The following PLTP variants were observed in gnomAD, a reference collection of about 807,000 sequenced individuals.
The protein encoded by PLTP is phospholipid transfer protein.
Under a neutral mutation model 54.1 loss-of-function variants are expected in PLTP, and 43 were observed. The ratio of observed to expected loss-of-function variants is 0.79; its 90% CI spans 0.62 to 1.02. The LOEUF is 1.02. Among genes scored for constraint, PLTP ranks in the 50% least tolerant of loss-of-function variants. PLTP has a pLI of 0.00. For synonymous variants in PLTP, 263 were observed against 264.6 expected (o/e 0.99, Z 0.06); for missense variants, 604 against 645.9 (o/e 0.94, Z 0.70).
intron 3 of PLTP, 109 bp from the exon 4 acceptor site, chr20:45,910,179 G>A (rs2083277343): frequency 2.4e-6 from 3 of 1,235,782 alleles, no homozygotes; most frequent in East Asian, 2.5e-5. Context: ...AAGCGGGAGT[G>A]GGTGGAATGA....
At chr20:45,905,256 G>T in intron 8 of PLTP, 138 bp from the exon 9 acceptor site, 1 of 735,218 alleles carries the variant, frequency 1.4e-6, no homozygotes, top group Non-Finnish European at 2.3e-6. Context: ...GGATTCACAA[G>T]CACATCTCTT....
intron 1 of PLTP, 78 bp from the exon 2 acceptor site, chr20:45,911,541 C>T (rs780227386): frequency 1.8e-4 from 282 of 1,575,668 alleles, no homozygotes; most frequent in Non-Finnish European, 2.3e-4. Flanking sequence ...TAAGTGGGAA[C>T]TAGCCTGGAT....
rs41282778 is a variant in PLTP at position 45,898,971 on chromosome 20, A to G, written c.1452T>C (p.Thr484=). 5.0e-6 allele frequency: 8 copies of G among 1,613,978 alleles called. No individual in the cohort carries two copies. Among genetic ancestry groups the G allele is most frequent in the Admixed American group, 3.3e-5 (2 of 59,998 alleles). ...CAGCTGCTGTGGACGGTGTGGGGGCAGTGGACGCCCTGACATCAGCAGGCC... is the reference window on the plus strand; with the variant it reads ...CAGCTGCTGTGGACGGTGTGGGGGCGGTGGACGCCCTGACATCAGCAGGCC... ...KNRPADVRAS[T]APTPSTAAV is the part of the protein sequence containing the mutation. Residue 484 remains threonine (T), a synonymous_variant, in exon 16 of 16, where the codon ACT becomes ACC. Coordinates refer to ENST00000372431, the MANE Select transcript of PLTP (RefSeq NM_006227.4). This position sits in a 1 kb window ranked among gnomAD's most constrained non-coding sequence, Gnocchi z 4.6.
chr20:45,902,352 G>GTCCT lies in PLTP; in HGVS notation c.1108-19_1108-18insAGGA. Reference sequence around the variant, plus strand: ...CGGGCGTCCTGCAGGAACATGGGGAGGAGGATGTTACTGACCCAGAAGGTC... The same window carrying GTCCT: ...CGGGCGTCCTGCAGGAACATGGGGAGTCCTGAGGATGTTACTGACCCAGAAGGTC... On this transcript the variant is annotated intron_variant, in intron 11 of 15. Transcript: ENST00000372431. 1 of 1,614,190 alleles carries GTCCT rather than the reference G, an allele frequency of 6.2e-7. No individual in the cohort carries two copies. The highest frequency in any genetic ancestry group is 8.5e-7 in the Non-Finnish European group (1 of 1,180,022).
intron 12 of PLTP, among the ~76,000 whole-genome samples, chr20:45,900,934 A>G (rs932916919): frequency 6.6e-6 from 1 of 152,192 alleles, no homozygotes; most frequent in Non-Finnish European, 1.5e-5. Context: ...GATTTGCACT[A>G]ATTTATAGAT....
intron 5 of PLTP, among the ~76,000 whole-genome samples, chr20:45,908,111 C>G (rs2083258267): frequency 6.6e-6 from 1 of 152,118 alleles, no homozygotes; most frequent in Non-Finnish European, 1.5e-5. Flanking sequence ...ACTCTCTGGT[C>G]CCATCAGTCA....
chr20:45,899,759 G>C, intron 13 of PLTP, 74 bp from the exon 14 acceptor site: 1 of 1,603,004 alleles, frequency 6.2e-7, no homozygotes, highest in Non-Finnish European at 8.5e-7. Flanking sequence ...CAGGTGAGCA[G>C]TTATATGAGG....
intron 12 of PLTP, among the ~76,000 whole-genome samples, chr20:45,901,027 A>G (rs1476954119): frequency 1.3e-5 from 2 of 152,122 alleles, no homozygotes; most frequent in African/African-American, 4.8e-5. Flanking sequence ...TCTAGAACCT[A>G]GGGTCCTAAC....
intron 12 of PLTP, among the ~76,000 whole-genome samples, chr20:45,900,766 C>A (rs531350355): frequency 6.6e-6 from 1 of 152,008 alleles, no homozygotes; most frequent in Non-Finnish European, 1.5e-5. Context: ...TGGCCTCAAG[C>A]GATCTACCCG....
chr20:45,911,631 CAGAG>C, intron 1 of PLTP, 168 bp from the exon 2 acceptor site: 3 of 895,970 alleles, frequency 3.3e-6, no homozygotes, highest in African/African-American at 1.7e-5. Context: ...AACTGAGGCT[CAGAG>C]AGGCGATGCG....
Position 45,902,723 on chromosome 20 carries a change from T to C in PLTP, c.943-119A>G, listed in dbSNP as rs530873212. ...CCTCTGGGGACTCTCATATTGCAAA[T>C]ACAGAGGGAGCTCTGGCTTCCAAAA... On this transcript the variant is annotated intron_variant, in intron 10 of 15. Coordinates refer to ENST00000372431, the MANE Select transcript of PLTP (RefSeq NM_006227.4). 9 of 1,040,674 alleles carry C rather than the reference T, an allele frequency of 8.6e-6. No homozygotes were observed. In the African/African-American group the frequency reaches 1.3e-4, roughly 15 times the overall value. The allele number at this position is 1,040,674 out of a possible 1,614,324, so 64.5% of individuals were successfully genotyped here. A position where few individuals can be genotyped will look rare whatever the true frequency, so the allele number is the denominator to read the frequency against.
rs768152829 is a variant in PLTP, at chr20:45,899,459, C to T, written c.1359+3G>A. On this transcript the variant is annotated splice_donor_region_variant and intron_variant, in intron 15 of 15. Coordinates refer to ENST00000372431, the MANE Select transcript of PLTP (RefSeq NM_006227.4). Reference sequence around the variant, plus strand: ...CCTCCTTCCCCATCCTGCCCCCACTCACCGCATGGTTCGTCACCACCTCAT... The same window carrying T: ...CCTCCTTCCCCATCCTGCCCCCACTTACCGCATGGTTCGTCACCACCTCAT... 22 of 1,613,914 alleles carry T rather than the reference C, an allele frequency of 1.4e-5. No individual in the cohort carries two copies. Among genetic ancestry groups the T allele is most frequent in the Non-Finnish European group, 1.9e-5 (22 of 1,179,954 alleles).
chr20:45,900,834 G>T (rs1190248010), intron 12 of PLTP, among the ~76,000 whole-genome samples: 3 of 152,122 alleles, frequency 2.0e-5, no homozygotes, highest in Admixed American at 2.0e-4. Context: ...CAGCCAACGT[G>T]TTTAAAAAGT....
chr20:45,899,553 AC>A lies in PLTP; in HGVS notation c.1283-16del. 1 of 1,613,872 alleles carries A rather than the reference AC, an allele frequency of 6.2e-7. No individual in the cohort carries two copies. Among genetic ancestry groups the A allele is most frequent in the Non-Finnish European group, 8.5e-7 (1 of 1,179,968 alleles). Reference sequence around the variant, plus strand: ...CCAGGTCCGCTCTGTGGGTGGGAGCACCCCGCTCAGTCTGGGCCCGCCCAGT... The same window carrying A: ...CCAGGTCCGCTCTGTGGGTGGGAGCACCCGCTCAGTCTGGGCCCGCCCAGT... On this transcript the variant is annotated splice_polypyrimidine_tract_variant and intron_variant, in intron 14 of 15. Coordinates refer to ENST00000372431, the MANE Select transcript of PLTP (RefSeq NM_006227.4).
At chr20:45,910,763 C>G in intron 3 of PLTP, 1 of 982,600 alleles carries the variant, frequency 1.0e-6, no homozygotes, top group South Asian at 1.9e-5. Context: ...ATTCCCCCTC[C>G]CTCATCCTAA....
intron 8 of PLTP, 122 bp downstream of exon 8, chr20:45,906,146 C>T: frequency 1.4e-6 from 1 of 739,128 alleles, no homozygotes. Flanking sequence ...GGAGCCATAG[C>T]ATTCTCAGTA....
At chr20:45,901,886 C>T (rs1478014308) in intron 12 of PLTP, among the ~76,000 whole-genome samples, 3 of 134,898 alleles carry the variant, frequency 2.2e-5, no homozygotes, top group African/African-American at 5.6e-5. Context: ...GCAACAAGAG[C>T]GAAACTCCTT....
intron 8 of PLTP, among the ~76,000 whole-genome samples, 182 bp downstream of exon 8, chr20:45,906,084 CAG>C (rs1301788026): frequency 2.0e-5 from 3 of 152,184 alleles, no homozygotes; most frequent in Admixed American, 2.0e-4. Flanking sequence ...GTAAGATTAA[CAG>C]GGGCTCAAAT....
intron 10 of PLTP, 109 bp from the exon 11 acceptor site, chr20:45,902,713 A>G (rs904523121): frequency 3.5e-6 from 4 of 1,133,914 alleles, no homozygotes; most frequent in Non-Finnish European, 4.9e-6. Context: ...GGGGACTCTC[A>G]TATTGCAAAT....
Sources: allele counts gnomAD v4.1 joint callset (sites outside exome capture counted in the v4.1 genomes callset), GRCh38; gene constraint gnomAD v4.1.1; non-coding constraint Gnocchi (gnomAD v3.1); transcripts MANE v1.5; gene names NCBI Gene and HGNC (gene_info 2026-07-23, HGNC 2026-07-21).